Variants in CTPS1 observed in about 807,000 individuals in gnomAD.
CTPS1 encodes the protein CTP synthase 1.
A neutral mutation model predicts 80.5 loss-of-function variants in CTPS1; 25 were observed. That is an observed-to-expected ratio of 0.31 (90% CI 0.23 to 0.43). The LOEUF is 0.43. Among genes scored for constraint, CTPS1 ranks in the 20% least tolerant of loss-of-function variants. The probability of loss-of-function intolerance (pLI) is 1.00; values close to 1 mark genes in which losing one functional copy is unlikely to be tolerated. For missense variants in CTPS1, 442 were observed against 725.7 expected, an observed-to-expected ratio of 0.61 and a Z score of 4.49; for synonymous variants, 267 against 252.5, an observed-to-expected ratio of 1.06 and a Z score of -0.54.
In CTPS1 at chr1:40,988,693, G is replaced by A. The variant is rs1380415309; in HGVS notation, c.538G>A (p.Val180Ile). The A allele has an allele frequency of 3.7e-6, 6 of 1,611,980 alleles. No individual in the cohort carries two copies. Among genetic ancestry groups the A allele is most frequent in the African/African-American group, 1.3e-5 (1 of 74,892 alleles). ...AAGAGAGAACTTTTGTAACATCCAC[G>A]TCAGTCTAGTTCCCCAGGTAAGTAA... ...VKRENFCNIH[V>I]SLVPQPSSTG... Residue 180 changes from valine (V) to isoleucine (I), a missense_variant, in exon 5 of 19, where the codon GTC becomes ATC. Physicochemically the swap from Val to Ile is conservative, Grantham distance 29. This residue lies in a region of CTPS1 where 27 missense variants were observed against 83.6 expected (regional missense o/e 0.32). Coordinates refer to ENST00000650070, the MANE Select transcript of CTPS1 (RefSeq NM_001905.4).
Position 41,011,316 on chromosome 1 carries a change from C to T in CTPS1, c.*10-342C>T, listed in dbSNP as rs557813339. Among the ~76,000 whole-genome samples the T allele has an allele frequency of 5.9e-5, 9 of 152,306 alleles. No homozygotes were observed. In the East Asian group the frequency reaches 1.3e-3, roughly 23 times the overall value. ...GTTTCACAGTCTTAAGGAGCTGATA[C>T]AACAAGAACTGTTACCAGTGAAGGA... On this transcript the variant is annotated intron_variant, in intron 18 of 18. Coordinates refer to ENST00000650070, the MANE Select transcript of CTPS1 (RefSeq NM_001905.4).
intron 6 of CTPS1, 107 bp downstream of exon 6, chr1:40,991,355 G>T: frequency 1.2e-6 from 1 of 812,830 alleles, no homozygotes. Flanking sequence ...TTTGATAATT[G>T]ATGATGGAGA....
At chr1:40,986,730 A>G (rs957633634) in intron 3 of CTPS1, among the ~76,000 whole-genome samples, 1 of 152,194 alleles carries the variant, frequency 6.6e-6, no homozygotes, top group East Asian at 1.9e-4. Context: ...TTCTTTGAGC[A>G]TTGACATGGC....
rs1643188542 is a variant in CTPS1, at chr1:41,012,137, T to C, written c.*489T>C. 1 of 152,160 alleles carries C rather than the reference T, an allele frequency of 6.6e-6. No homozygotes were observed. The highest frequency in any genetic ancestry group is 1.9e-4 in the East Asian group (1 of 5,192). 9.4% of individuals were successfully genotyped at this position (152,160 alleles called of 1,614,324 possible). ...AAGCCATGAAACCAGAGACAAAATC[T>C]CTATACTGCCCTGAGTTGGGGGGAA... On this transcript the variant is annotated 3_prime_UTR_variant, in exon 19 of 19. Transcript: ENST00000650070.
rs1197308357 is a variant in CTPS1 at position 41,008,819 on chromosome 1, T to C, written c.1475T>C (p.Leu492Ser). 6.2e-7 allele frequency: 1 copy of C among 1,614,186 alleles called. No homozygotes were observed. The highest frequency in any genetic ancestry group is 1.1e-5 in the South Asian group (1 of 91,086). The stretch of plus-strand genomic sequence containing the variant: ...GTGAATCCAGTCTGGAAAAAGTGTT[T>C]GGAAGAACAAGGCTTGAAGTTTGTT... ...FEVNPVWKKC[L>S]EEQGLKFVGQ... Residue 492 changes from leucine (L) to serine (S), a missense_variant, in exon 16 of 19, where the codon TTG becomes TCG. By Grantham distance (145) the Leu-to-Ser change is moderately radical. This residue lies in a region of CTPS1 where 321 missense variants were observed against 467.2 expected (regional missense o/e 0.69). Coordinates refer to ENST00000650070, the MANE Select transcript of CTPS1 (RefSeq NM_001905.4).
chr1:40,987,705 C>T (rs1012273888), intron 4 of CTPS1, among the ~76,000 whole-genome samples: 1 of 152,174 alleles, frequency 6.6e-6, no homozygotes, highest in African/African-American at 2.4e-5. Context: ...TCACTTAGTA[C>T]TGATTGTCCC....
chr1:40,988,246 T>C (rs776109176), intron 4 of CTPS1, among the ~76,000 whole-genome samples: 7 of 152,022 alleles, frequency 4.6e-5, no homozygotes, highest in Non-Finnish European at 1.0e-4. Flanking sequence ...AAATTATTTA[T>C]GGTTAACTAA....
chr1:40,983,752 A>C (rs2148386252), intron 2 of CTPS1, among the ~76,000 whole-genome samples: 1 of 151,700 alleles, frequency 6.6e-6, no homozygotes, highest in African/African-American at 2.4e-5. Context: ...CCTCCTGAGT[A>C]GCTGGGACTA....
intron 9 of CTPS1, 53 bp from the exon 10 acceptor site, chr1:41,000,976 G>A (rs1271578826): frequency 1.2e-5 from 15 of 1,208,806 alleles, no homozygotes; most frequent in East Asian, 1.2e-4. Flanking sequence ...AATTAAGAAC[G>A]CACAGCCTGG....
intron 10 of CTPS1, chr1:41,001,439 A>T (rs1220994539): frequency 3.6e-6 from 1 of 276,616 alleles, no homozygotes; most frequent in East Asian, 1.5e-4. Flanking sequence ...TGTTATTTAT[A>T]ATAGTAAAAC....
chr1:40,981,920 C>T (rs1369981955), intron 1 of CTPS1: 3 of 1,205,350 alleles, frequency 2.5e-6, no homozygotes, highest in Non-Finnish European at 3.3e-6. Context: ...TTTTCTTGTT[C>T]CTTAGTTTAT....
Position 40,992,363 on chromosome 1 carries a change from A to C in CTPS1, c.720+518A>C, listed in dbSNP as rs182938544. 4.3e-3 allele frequency among the ~76,000 whole-genome samples: 657 copies of C among 152,034 alleles called. 5 individuals are homozygous for C. Among genetic ancestry groups the C allele is most frequent in the African/African-American group, 0.015 (631 of 41,438 alleles). ...CTTTCTGGTGTGTGTGTGTGTGTAC[A>C]TGTGTGGTGTGTATCTCCCTTCACA... On this transcript the variant is annotated intron_variant, in intron 7 of 18. Coordinates refer to ENST00000650070, the MANE Select transcript of CTPS1 (RefSeq NM_001905.4).
intron 12 of CTPS1, 104 bp downstream of exon 12, chr1:41,003,280 C>T: frequency 2.4e-6 from 3 of 1,271,816 alleles, no homozygotes; most frequent in African/African-American, 1.5e-5. Context: ...GAAGGGCAGG[C>T]CTGGGTTCCT....
chr1:40,999,991 A>G (rs1364485030), intron 9 of CTPS1, among the ~76,000 whole-genome samples: 5 of 152,216 alleles, frequency 3.3e-5, no homozygotes, highest in African/African-American at 1.2e-4. Flanking sequence ...TCTCTGCAAA[A>G]AAAAGTTAAA....
intron 11 of CTPS1, among the ~76,000 whole-genome samples, chr1:41,002,789 T>C (rs544323202): frequency 6.6e-6 from 1 of 152,238 alleles, no homozygotes; most frequent in South Asian, 2.1e-4. Context: ...GAGGCTGTAG[T>C]GAGCCAAGAT....
At chr1:41,010,370 T>C in intron 18 of CTPS1, 116 bp downstream of exon 18, 1 of 700,654 alleles carries the variant, frequency 1.4e-6, no homozygotes, top group Non-Finnish European at 2.5e-6. Context: ...ATGAAAGTGG[T>C]GAGGTCTTGA....
rs145235485 is a variant in CTPS1, at chr1:40,995,731, G to A, written c.721-186G>A. Among the ~76,000 whole-genome samples the A allele has an allele frequency of 8.8e-4, 134 of 152,178 alleles. 1 individual carries two copies. The highest frequency in any genetic ancestry group is 3.1e-3 in the African/African-American group (128 of 41,532). Reference sequence around the variant, plus strand: ...TTTTTTAAAGGACTTTTGCATCCATGTTCATAATAGATTGGCCACTAATTT... The same window carrying A: ...TTTTTTAAAGGACTTTTGCATCCATATTCATAATAGATTGGCCACTAATTT... On this transcript the variant is annotated intron_variant, in intron 7 of 18. Transcript: ENST00000650070.
In CTPS1 at chr1:40,997,477, A is replaced by G; in HGVS notation, c.956A>G (p.Lys319Arg). 1 of 1,614,214 alleles carries G rather than the reference A, an allele frequency of 6.2e-7. No homozygotes were observed. The highest frequency in any genetic ancestry group is 8.5e-7 in the Non-Finnish European group (1 of 1,180,044). Reference sequence around the variant, plus strand: ...TCAGACTCCTATGCCTCTGTCATTAAGGCTCTGGAGCATTCTGCACTGGCC... The same window carrying G: ...TCAGACTCCTATGCCTCTGTCATTAGGGCTCTGGAGCATTCTGCACTGGCC... The part of the protein sequence containing the change: ...KFSDSYASVI[K>R]ALEHSALAIN... Residue 319 changes from lysine (K) to arginine (R), a missense_variant, in exon 9 of 19, where the codon AAG becomes AGG. Transcript: ENST00000650070.
chr1:40,983,552 C>A, intron 2 of CTPS1, 96 bp downstream of exon 2: 1 of 1,031,374 alleles, frequency 9.7e-7, no homozygotes, highest in Non-Finnish European at 1.4e-6. Flanking sequence ...TTATTTTCTG[C>A]CTTCTAACAG....
Sources: gnomAD v4.1 joint callset for allele counts (sites outside exome capture counted in the v4.1 genomes callset) on GRCh38, gnomAD v4.1.1 for gene constraint, gnomAD v4.1.1 regional missense constraint, MANE v1.5 for transcripts, NCBI Gene and HGNC (gene_info 2026-07-23, HGNC 2026-07-21) for gene names.